SYF2: variants seen among roughly 807,000 people sequenced by gnomAD.
SYF2 encodes pre-mRNA-splicing factor SYF2.
In SYF2, 21 loss-of-function variants were observed where a neutral mutation model predicts 32.7. The ratio of observed to expected loss-of-function variants is 0.64; its 90% CI spans 0.45 to 0.92. The LOEUF is 0.92. Ranked by LOEUF, SYF2 falls within the 40% of genes least tolerant of loss-of-function variation. SYF2 has a pLI of 0.00. For synonymous variants in SYF2, 114 were observed against 103.9 expected (o/e 1.10, Z -0.59); for missense variants, 278 against 296.5 (o/e 0.94, Z 0.46).
At position 25,223,543 on chromosome 1, in the gene SYF2, C is replaced by T. The variant is rs1638448664; in HGVS notation, c.567-112G>A. 5 of 1,033,244 alleles carry T rather than the reference C, an allele frequency of 4.8e-6. No individual in the cohort carries two copies. The Admixed American group carries it at 7.4e-5, about 15-fold the overall frequency. 64.0% of individuals were successfully genotyped at this position (1,033,244 alleles called of 1,614,324 possible). ...TTTAGAATAGCACATGTTGTGAGGG[C>T]TAGAGGAAGCCAGGAGAGTTTTCAT... On this transcript the variant is annotated intron_variant, in intron 6 of 6. Transcript: ENST00000236273.
At chr1:25,232,383 C>A (rs1423060226) in intron 1 of SYF2, 61 bp downstream of exon 1, 3 of 1,613,870 alleles carry the variant, frequency 1.9e-6, no homozygotes, top group Non-Finnish European at 2.5e-6. Flanking sequence ...CCACCTCTCT[C>A]CAGGCCGCTC....
rs1284606808 is a variant in SYF2 at position 25,225,070 on chromosome 1, A to C, written c.498T>G (p.Ser166Arg). 6.2e-7 allele frequency: 1 copy of C among 1,613,976 alleles called. No individual in the cohort carries two copies. The highest frequency in any genetic ancestry group is 1.7e-5 in the Admixed American group (1 of 59,992). ...HGEEFFPTSNSLLHGTHVPST... is the reference protein window; with the variant it reads ...HGEEFFPTSNRLLHGTHVPST... ...AAGGCACATGTGTTCCATGAAGAAG[A>C]CTATTGGATGTTGGGAAAAACTCTT... Residue 166 changes from serine to arginine, a missense_variant, in exon 6 of 7, where the codon AGT becomes AGG. Ser to Arg is a moderately radical substitution (Grantham distance 110, BLOSUM62 -1). Transcript: ENST00000236273.
intron 6 of SYF2, 63 bp from the exon 7 acceptor site, chr1:25,223,494 C>A: frequency 6.6e-7 from 1 of 1,504,514 alleles, no homozygotes; most frequent in African/African-American, 1.4e-5. Context: ...TAATAAAACA[C>A]AACCAAACAG....
intron 3 of SYF2, 57 bp downstream of exon 3, chr1:25,228,941 T>C: frequency 6.3e-7 from 1 of 1,578,066 alleles, no homozygotes; most frequent in Non-Finnish European, 8.6e-7. Context: ...TGTTGTAGTG[T>C]CTTGATACAA....
At chr1:25,226,081 G>T (rs1353961357) in intron 5 of SYF2, among the ~76,000 whole-genome samples, 1 of 151,996 alleles carries the variant, frequency 6.6e-6, no homozygotes. Context: ...CCAGGAGGCG[G>T]AGGCTGCAGT....
At chr1:25,229,204 AG>A in intron 2 of SYF2, 81 bp from the exon 3 acceptor site, 1 of 1,512,154 alleles carries the variant, frequency 6.6e-7, no homozygotes, top group Non-Finnish European at 8.9e-7. Context: ...GAGGAGGGTC[AG>A]GCAGGACATA....
At chr1:25,223,552 G>A in intron 6 of SYF2, 121 bp from the exon 7 acceptor site, 1 of 940,884 alleles carries the variant, frequency 1.1e-6, no homozygotes, top group Non-Finnish European at 1.6e-6. Flanking sequence ...GCTAGAGGAA[G>A]CCAGGAGAGT....
intron 6 of SYF2, 134 bp downstream of exon 6, chr1:25,224,868 C>G: frequency 1.5e-6 from 1 of 683,868 alleles, no homozygotes; most frequent in Non-Finnish European, 2.5e-6. Context: ...ATAGACAGGT[C>G]AAAAATTAGC....
intron 1 of SYF2, 112 bp from the exon 2 acceptor site, chr1:25,232,323 C>G: frequency 6.3e-7 from 1 of 1,591,466 alleles, no homozygotes; most frequent in South Asian, 1.1e-5. Flanking sequence ...CCACCGCCGA[C>G]TTGACCCCAC....
intron 5 of SYF2, among the ~76,000 whole-genome samples, chr1:25,226,233 T>C (rs1271098326): frequency 1.3e-5 from 2 of 152,142 alleles, no homozygotes; most frequent in Non-Finnish European, 2.9e-5. Flanking sequence ...ACACCTTCAC[T>C]GTACAGATCA....
Position 25,228,154 on chromosome 1 carries a change from T to C in SYF2, c.340A>G (p.Lys114Glu), listed in dbSNP as rs1343086437. The change falls in exon 4 of 7, where the codon AAA (lysine) becomes GAA (glutamate). Residue 114 changes from lysine (K) to glutamate (E), a missense_variant. By Grantham distance (56) the Lys-to-Glu change is moderately conservative. Transcript: ENST00000236273. ...SAEDAERWER[K>E]KKRKNPDLGF... is the part of the protein sequence containing the mutation. ...AGATCAGGGTTTTTCCTCTTCTTTTTCCTCTCCCATCTTTCTGCATCTTCT... is the reference window on the plus strand; with the variant it reads ...AGATCAGGGTTTTTCCTCTTCTTTTCCCTCTCCCATCTTTCTGCATCTTCT... 2 of 1,613,986 alleles carry C rather than the reference T, an allele frequency of 1.2e-6. No homozygotes were observed. Among genetic ancestry groups the C allele is most frequent in the Admixed American group, 1.7e-5 (1 of 60,014 alleles).
rs183938171 is a variant in SYF2, at chr1:25,231,884, G to C, written c.132+220C>G. On this transcript the variant is annotated intron_variant, in intron 2 of 6. Coordinates refer to ENST00000236273, the MANE Select transcript of SYF2 (RefSeq NM_015484.5). ...AACCCAGATACATTAAATTGGATGT[G>C]GGTGGGAGAGGGGCTGGAGTGAACA... 2.3e-5 allele frequency: 14 copies of C among 615,550 alleles called. No individual in the cohort carries two copies. The African/African-American group carries it at 2.4e-4, about 10-fold the overall frequency. 38.1% of individuals were successfully genotyped at this position (615,550 alleles called of 1,614,324 possible).
Position 25,223,406 on chromosome 1 carries a change from G to A in SYF2, c.592C>T (p.Arg198Trp). ...GCATCATCATTATAAGGACGTCTCC[G>A]GCTATATTTGTCTCGTTTTTCAATC... ...KQIEKRDKYS[R>W]RRPYNDDADI... Residue 198 changes from arginine to tryptophan, a missense_variant, in exon 7 of 7, where the codon CGG becomes TGG. Coordinates refer to ENST00000236273, the MANE Select transcript of SYF2 (RefSeq NM_015484.5). The A allele has an allele frequency of 1.9e-6, 3 of 1,606,314 alleles. No homozygotes were observed. Among genetic ancestry groups the A allele is most frequent in the Non-Finnish European group, 2.5e-6 (3 of 1,177,488 alleles).
chr1:25,223,584 A>G (rs1182963930), intron 6 of SYF2, among the ~76,000 whole-genome samples, 153 bp from the exon 7 acceptor site: 5 of 152,218 alleles, frequency 3.3e-5, no homozygotes, highest in Non-Finnish European at 1.5e-5. Context: ...TAAAGTTGAA[A>G]CTGAATTAAT....
Position 25,229,076 on chromosome 1 carries a change from T to G in SYF2, c.180A>C (p.Lys60Asn), listed in dbSNP as rs1355356083. 7 of 1,614,100 alleles carry G rather than the reference T, an allele frequency of 4.3e-6. No individual in the cohort carries two copies. In the South Asian group the frequency reaches 4.4e-5, roughly 10 times the overall value. The stretch of plus-strand genomic sequence containing the variant: ...CCCAATTTGCAGGTAATTTTAGTCT[T>G]TTATCTTCTTCCACAACTTCCTGGT... ...LNHQEVVEED[K>N]RLKLPANWEA... is the part of the protein sequence containing the mutation. Residue 60 changes from lysine to asparagine, a missense_variant, in exon 3 of 7, where the codon AAA becomes AAC. Physicochemically the swap from Lys to Asn is moderately conservative, Grantham distance 94. Coordinates refer to ENST00000236273, the MANE Select transcript of SYF2 (RefSeq NM_015484.5).
rs752100069 is a variant in SYF2 at position 25,227,495 on chromosome 1, C to T, written c.414G>A (p.Leu138=). Residue 138 remains leucine (L), a synonymous_variant, in exon 5 of 7, where the codon TTG becomes TTA. Transcript: ENST00000236273. ...CCATGTCAGGTTTGATCTGCTTGGT[C>T]AACCGATGATACTGGCGTAACTGGG... ...AAAQLRQYHR[L]TKQIKPDMET... 1 of 1,613,764 alleles carries T rather than the reference C, an allele frequency of 6.2e-7. No individual in the cohort carries two copies. Among genetic ancestry groups the T allele is most frequent in the Non-Finnish European group, 8.5e-7 (1 of 1,179,932 alleles).
intron 5 of SYF2, 65 bp from the exon 6 acceptor site, chr1:25,225,165 A>AC: frequency 9.8e-7 from 1 of 1,020,222 alleles, no homozygotes; most frequent in Non-Finnish European, 1.6e-6. Flanking sequence ...ATTTCAAACT[A>AC]AAGTACCATA....
Position 25,223,031 on chromosome 1 carries a change from T to C in SYF2, c.*235A>G, listed in dbSNP as rs761091332. 19 of 364,848 alleles carry C rather than the reference T, an allele frequency of 5.2e-5. No homozygotes were observed. Among genetic ancestry groups the C allele is most frequent in the Non-Finnish European group, 8.9e-5 (18 of 202,084 alleles). The allele number at this position is 364,848 out of a possible 1,614,324, so 22.6% of individuals were successfully genotyped here. Reference sequence around the variant, plus strand: ...TAATATAATTAGAATGTATACAAAGTAGATTACAAAACAACTTCACTACAA... The same window carrying C: ...TAATATAATTAGAATGTATACAAAGCAGATTACAAAACAACTTCACTACAA... On this transcript the variant is annotated 3_prime_UTR_variant, in exon 7 of 7. Transcript: ENST00000236273.
chr1:25,228,823 G>A (rs377416508), intron 3 of SYF2, among the ~76,000 whole-genome samples, 175 bp downstream of exon 3: 6 of 152,262 alleles, frequency 3.9e-5, no homozygotes, highest in African/African-American at 1.4e-4. Context: ...GAAAACAGAG[G>A]TACAGAGAAG....
Sources: allele counts gnomAD v4.1 joint callset (sites outside exome capture counted in the v4.1 genomes callset), GRCh38; gene constraint gnomAD v4.1.1; transcripts MANE v1.5; gene names NCBI Gene and HGNC (gene_info 2026-07-23, HGNC 2026-07-21).